CSMD1: variants seen among roughly 807,000 people sequenced by gnomAD.
CSMD1 encodes the protein CUB and Sushi multiple domains 1.
Under a neutral mutation model 417.5 loss-of-function variants are expected in CSMD1, and 213 were observed. The observed-to-expected ratio is 0.51, with a 90% confidence interval of 0.46 to 0.57. CSMD1 has a LOEUF of 0.57. CSMD1 is among the 20% of genes least tolerant of loss of function. CSMD1 has a pLI of 0.00. For synonymous variants in CSMD1, 2,862 were observed against 1,736.8 expected, an observed-to-expected ratio of 1.65 and a Z score of -16.11; for missense variants, 6,923 against 4,529.7, an observed-to-expected ratio of 1.53 and a Z score of -15.17.
At chr8:4,239,124 A>G (rs1049886526) in intron 3 of CSMD1, among the ~76,000 whole-genome samples, 13 of 152,184 alleles carry the variant, frequency 8.5e-5, no homozygotes, top group Admixed American at 7.2e-4. Flanking sequence ...ATGTGGGTTA[A>G]AACAATTTAC....
chr8:4,910,799 T>A (rs1442064957), intron 1 of CSMD1, among the ~76,000 whole-genome samples: 4 of 152,210 alleles, frequency 2.6e-5, no homozygotes, highest in Admixed American at 6.5e-5. Flanking sequence ...AATATAGTCA[T>A]CCAATTGATA....
intron 1 of CSMD1, among the ~76,000 whole-genome samples, chr8:4,726,136 C>A (rs539821610): frequency 1.3e-5 from 2 of 152,038 alleles, no homozygotes; most frequent in East Asian, 3.9e-4. Flanking sequence ...GTCATCTGGG[C>A]GAGCCATTTG....
chr8:3,188,019 C>G (rs1796165890), intron 35 of CSMD1, 54 bp from the exon 36 acceptor site: 8 of 1,411,078 alleles, frequency 5.7e-6, no homozygotes, highest in Middle Eastern at 1.8e-4. Flanking sequence ...CACAATTAGT[C>G]TAATTAGATG....
chr8:4,186,971 G>A (rs1798716311), intron 3 of CSMD1, among the ~76,000 whole-genome samples: 1 of 152,108 alleles, frequency 6.6e-6, no homozygotes, highest in Admixed American at 6.5e-5. Flanking sequence ...GACACAGCAA[G>A]ATTCTGTCTC....
chr8:4,257,261 C>G (rs573135487), intron 3 of CSMD1, among the ~76,000 whole-genome samples: 1 of 152,176 alleles, frequency 6.6e-6, no homozygotes, highest in African/African-American at 2.4e-5. Context: ...TTTTATTATA[C>G]CAGTCTTTCT....
chr8:3,349,428 G>A (rs1808242811), intron 21 of CSMD1, among the ~76,000 whole-genome samples: 1 of 151,968 alleles, frequency 6.6e-6, no homozygotes, highest in Admixed American at 6.6e-5. Flanking sequence ...GCCTCCATGT[G>A]GAAGGGTGTG....
rs1458221172 is a variant in CSMD1, at chr8:4,671,477, C to A, written c.86-33919G>T. Among the ~76,000 whole-genome samples, 3 of 152,232 alleles carry A rather than the reference C, an allele frequency of 2.0e-5. No individual in the cohort carries two copies. In the South Asian group the frequency reaches 6.2e-4, roughly 32 times the overall value. On this transcript the variant is annotated intron_variant, in intron 1 of 69. Coordinates refer to ENST00000635120, the MANE Select transcript of CSMD1 (RefSeq NM_033225.6). ...TAATTCTGGAAGCACGACAGAAAAG[C>A]CACTGTTCTGGAATAATAGCAGTGA...
At chr8:3,683,582 C>T (rs1309571533) in intron 7 of CSMD1, among the ~76,000 whole-genome samples, 1 of 152,152 alleles carries the variant, frequency 6.6e-6, no homozygotes, top group East Asian at 1.9e-4. Flanking sequence ...ATGTTTAAAG[C>T]ACTTTTTTGA....
At chr8:4,534,978 G>A (rs958600302) in intron 2 of CSMD1, among the ~76,000 whole-genome samples, 1 of 152,038 alleles carries the variant, frequency 6.6e-6, no homozygotes, top group Non-Finnish European at 1.5e-5. Context: ...AGCCAGGATG[G>A]TCTCGATTTC....
chr8:4,541,359 T>G (rs1383673163), intron 2 of CSMD1, among the ~76,000 whole-genome samples: 1 of 152,210 alleles, frequency 6.6e-6, no homozygotes. Context: ...AAGATTTTAA[T>G]GTGTTAAAGT....
intron 3 of CSMD1, among the ~76,000 whole-genome samples, chr8:4,132,774 A>T (rs139411120): frequency 6.6e-6 from 1 of 152,330 alleles, no homozygotes; most frequent in Middle Eastern, 3.4e-3. Context: ...CAATCCGTTT[A>T]AAAAGACACA....
intron 3 of CSMD1, among the ~76,000 whole-genome samples, chr8:4,220,399 G>A (rs775904870): frequency 2.0e-5 from 3 of 152,176 alleles, no homozygotes; most frequent in African/African-American, 4.8e-5. Context: ...TCTAGACAAC[G>A]GTTAGTGTTT....
At chr8:3,554,486 G>T (rs1037840457) in intron 10 of CSMD1, among the ~76,000 whole-genome samples, 3 of 152,232 alleles carry the variant, frequency 2.0e-5, no homozygotes, top group Middle Eastern at 3.4e-3. Flanking sequence ...GGGAAGGGAG[G>T]GTGGAAGGGA....
At chr8:3,359,735 C>T (rs1361736382) in intron 20 of CSMD1, among the ~76,000 whole-genome samples, 2 of 151,930 alleles carry the variant, frequency 1.3e-5, no homozygotes, top group East Asian at 3.9e-4. Flanking sequence ...CAAAATAGCT[C>T]AAAGGCAAGA....
At chr8:3,765,851 G>C (rs947280318) in intron 5 of CSMD1, among the ~76,000 whole-genome samples, 2 of 152,210 alleles carry the variant, frequency 1.3e-5, no homozygotes, top group South Asian at 4.1e-4. Context: ...ATTGAGGAAG[G>C]AGAAAGAGGA....
At chr8:3,304,379 A>G (rs1804651369) in intron 25 of CSMD1, among the ~76,000 whole-genome samples, 1 of 152,158 alleles carries the variant, frequency 6.6e-6, no homozygotes, top group Non-Finnish European at 1.5e-5. Flanking sequence ...TATTAGTACA[A>G]TTTTAAGTAC....
chr8:3,772,754 C>A (rs1239904526), intron 5 of CSMD1, among the ~76,000 whole-genome samples: 1 of 150,446 alleles, frequency 6.6e-6, no homozygotes, highest in Non-Finnish European at 1.5e-5. Flanking sequence ...CTTCATTCAG[C>A]AAATATTGAA....
At chr8:3,659,303 T>C (rs1393746751) in intron 7 of CSMD1, among the ~76,000 whole-genome samples, 2 of 152,262 alleles carry the variant, frequency 1.3e-5, no homozygotes, top group Non-Finnish European at 2.9e-5. Context: ...TCTTGACAAA[T>C]TGTGTAGTTA....
rs115694837 is a variant in CSMD1, at chr8:4,388,868, C to T, written c.415+31085G>A. On this transcript the variant is annotated intron_variant, in intron 3 of 69. Coordinates refer to ENST00000635120, the MANE Select transcript of CSMD1 (RefSeq NM_033225.6). Reference sequence around the variant, plus strand: ...TAAAAACCATTTAAAACTTTGAAATCAGCTGAAACGTCTCCTCTTCATCTT... The same window carrying T: ...TAAAAACCATTTAAAACTTTGAAATTAGCTGAAACGTCTCCTCTTCATCTT... Among the ~76,000 whole-genome samples the T allele has an allele frequency of 2.6e-3, 400 of 152,304 alleles. 1 individual carries two copies. The highest frequency in any genetic ancestry group is 9.0e-3 in the African/African-American group (375 of 41,574).
Sources: allele counts gnomAD v4.1 joint callset (sites outside exome capture counted in the v4.1 genomes callset), GRCh38; gene constraint gnomAD v4.1.1; transcripts MANE v1.5; gene names NCBI Gene and HGNC (gene_info 2026-07-23, HGNC 2026-07-21).